The following SYMPK variants were observed in gnomAD, a reference collection of about 807,000 sequenced individuals.
SYMPK encodes the protein symplekin.
In SYMPK, 49 loss-of-function variants were observed where a neutral mutation model predicts 136.4. That is an observed-to-expected ratio of 0.36 (90% confidence interval 0.29 to 0.46). SYMPK has a LOEUF of 0.46. Among genes scored for constraint, SYMPK ranks in the 20% least tolerant of loss-of-function variants. SYMPK has a pLI of 1.00. For synonymous variants in SYMPK, 766 were observed against 713.0 expected (o/e 1.07, Z -1.19); for missense variants, 1,365 against 1,690.0 (o/e 0.81, Z 3.37).
chr19:45,832,948 G>A (rs1396963655), intron 11 of SYMPK, among the ~76,000 whole-genome samples: 1 of 151,720 alleles, frequency 6.6e-6, no homozygotes. Context: ...GAACCCAGGA[G>A]GCAGAAGTTG....
intron 7 of SYMPK, 31 bp downstream of exon 7, chr19:45,847,721 G>C: frequency 6.3e-7 from 1 of 1,595,234 alleles, no homozygotes; most frequent in South Asian, 1.1e-5. Flanking sequence ...GTGCAGGGCT[G>C]TCAGGGGTGG....
At chr19:45,828,712 A>T in intron 14 of SYMPK, 1 of 540,476 alleles carries the variant, frequency 1.9e-6, no homozygotes, top group Non-Finnish European at 3.3e-6. Flanking sequence ...AGAGGGAGTG[A>T]CAAAGCCACG....
intron 8 of SYMPK, 26 bp from the exon 9 acceptor site, chr19:45,842,515 G>A: frequency 1.3e-6 from 2 of 1,597,614 alleles, no homozygotes; most frequent in East Asian, 2.2e-5. Flanking sequence ...CAGGAGCTGT[G>A]TCTTGTGGAA....
rs559481450 is a variant in SYMPK at position 45,823,852 on chromosome 19, G to T, written c.2514C>A (p.Ser838=). ...EQPIRGMGMN[S]PELLLLVENC... The stretch of plus-strand genomic sequence containing the variant: ...TTTCCACCAGCAGGAGCAGCTCCGG[G>T]GAGTTCATGCCCATTCCTCGGATCT... The change falls in exon 19 of 27, where the codon TCC becomes TCA. Residue 838 remains serine (S), a synonymous_variant. Coordinates refer to ENST00000245934, the MANE Select transcript of SYMPK (RefSeq NM_004819.3). The T allele has an allele frequency of 6.2e-7, 1 of 1,614,090 alleles. No homozygotes were observed. The highest frequency in any genetic ancestry group is 1.3e-5 in the African/African-American group (1 of 75,040).
intron 24 of SYMPK, 35 bp downstream of exon 24, chr19:45,816,763 G>T (rs946490342): frequency 3.4e-5 from 51 of 1,497,406 alleles, no homozygotes; most frequent in East Asian, 1.5e-4. Context: ...CACCCTGGGT[G>T]GGGGGAAAGG....
chr19:45,826,165 C>T (rs1340088263), intron 17 of SYMPK, 61 bp downstream of exon 17: 18 of 1,546,416 alleles, frequency 1.2e-5, no homozygotes, highest in African/African-American at 1.1e-4. Context: ...CCCCTCTGCT[C>T]GCAGGGCCCA....
At chr19:45,824,865 G>T (rs766774382) in intron 18 of SYMPK, among the ~76,000 whole-genome samples, 1 of 152,194 alleles carries the variant, frequency 6.6e-6, no homozygotes. Flanking sequence ...TGGACTCCTT[G>T]CATCAGCGTG....
chr19:45,838,549 G>A lies in SYMPK; in HGVS notation c.1154C>T (p.Ala385Val), dbSNP rs1405092718. The A allele has an allele frequency of 6.2e-7, 1 of 1,614,064 alleles. No individual in the cohort carries two copies. Among genetic ancestry groups the A allele is most frequent in the Non-Finnish European group, 8.5e-7 (1 of 1,180,050 alleles). Residue 385 changes from alanine to valine, a missense_variant, in exon 10 of 27, where the codon GCC becomes GTC. Physicochemically the swap from Ala to Val is moderately conservative, Grantham distance 64. Around this residue, in one of 11 missense-constraint regions of SYMPK, gnomAD observed 111 missense variants for 141.2 expected, o/e 0.79. Coordinates refer to ENST00000245934, the MANE Select transcript of SYMPK (RefSeq NM_004819.3). ...TGACTGGCCGGAGATCTGCGCTGAGGCCTTCGAGGTCCCCGACGGGCCTGG... is the reference window on the plus strand; with the variant it reads ...TGACTGGCCGGAGATCTGCGCTGAGACCTTCGAGGTCCCCGACGGGCCTGG... The part of the protein sequence containing the change: ...LEPGPSGTSK[A>V]SAQISGQSDT...
intron 14 of SYMPK, chr19:45,828,662 T>C (rs940374178): frequency 7.3e-6 from 3 of 413,588 alleles, no homozygotes; most frequent in Non-Finnish European, 1.3e-5. Flanking sequence ...TCCAGGCCCA[T>C]GGGTGAGCAC....
chr19:45,852,332 G>T lies in SYMPK; in HGVS notation c.279C>A (p.Ile93=), dbSNP rs529670968. 7 of 1,614,216 alleles carry T rather than the reference G, an allele frequency of 4.3e-6. No individual in the cohort carries two copies. The highest frequency in any genetic ancestry group is 5.1e-6 in the Non-Finnish European group (6 of 1,180,026). ...DKSIEVRKFV[I]GFIEEACKRD... ...CATACCATGCCTCCTCGATGAAGCC[G>T]ATGACAAATTTTCGCACTTCGATTG... The change falls in exon 5 of 27, where the codon ATC becomes ATA. Residue 93 remains isoleucine (I), a synonymous_variant. Transcript: ENST00000245934.
chr19:45,833,146 T>C (rs1971224568), intron 11 of SYMPK, among the ~76,000 whole-genome samples: 1 of 151,804 alleles, frequency 6.6e-6, no homozygotes, highest in Non-Finnish European at 1.5e-5. Flanking sequence ...GAGGTTGCAG[T>C]AAGCCAAGAA....
intron 8 of SYMPK, chr19:45,842,994 G>A (rs1971478394): frequency 1.3e-5 from 2 of 158,368 alleles, no homozygotes; most frequent in African/African-American, 2.4e-5. Context: ...CCCACTCTCC[G>A]TTAAGGGAGA....
At chr19:45,828,746 C>T (rs967591409) in intron 14 of SYMPK, 9 of 581,098 alleles carry the variant, frequency 1.5e-5, no homozygotes, top group Admixed American at 3.0e-5. Flanking sequence ...GAGCAAGTGG[C>T]AGAGCTGAGG....
Position 45,815,523 on chromosome 19 carries a change from G to T in SYMPK, c.*37C>A. ...AAGCCCCGCCCCGTCCCCCAGCCCC[G>T]AGTCCCTGTCCCACCCCCTTTCCCC... On this transcript the variant is annotated 3_prime_UTR_variant, in exon 27 of 27. Transcript: ENST00000245934. 2 of 471,244 alleles carry T rather than the reference G, an allele frequency of 4.2e-6. No homozygotes were observed. The highest frequency in any genetic ancestry group is 6.3e-6 in the Non-Finnish European group (2 of 315,422). The allele number at this position is 471,244 out of a possible 1,614,324, so 29.2% of individuals were successfully genotyped here.
chr19:45,845,153 C>T (rs1971530816), intron 7 of SYMPK, among the ~76,000 whole-genome samples: 1 of 151,660 alleles, frequency 6.6e-6, no homozygotes, highest in Non-Finnish European at 1.5e-5. Context: ...CACTCTGTCA[C>T]CCAGAGTGGA....
chr19:45,820,806 T>C, intron 22 of SYMPK: 1 of 315,952 alleles, frequency 3.2e-6, no homozygotes, highest in Non-Finnish European at 5.8e-6. Context: ...GAGCCTCCAT[T>C]TCCTGTCTAC....
chr19:45,816,424 G>T, intron 25 of SYMPK, 58 bp downstream of exon 25: 1 of 1,561,486 alleles, frequency 6.4e-7, no homozygotes, highest in South Asian at 1.2e-5. Flanking sequence ...AGCCTTGCTG[G>T]CTTGGGGTAG....
At chr19:45,856,048 A>G (rs1971814514) in intron 1 of SYMPK, among the ~76,000 whole-genome samples, 1 of 152,016 alleles carries the variant, frequency 6.6e-6, no homozygotes, top group South Asian at 2.1e-4. Flanking sequence ...CCAGCAGAGG[A>G]AACAGGGTAA....
chr19:45,826,793 TGGCCATGGCCAG>T (rs1971052453), intron 16 of SYMPK, among the ~76,000 whole-genome samples: 1 of 151,886 alleles, frequency 6.6e-6, no homozygotes, highest in Non-Finnish European at 1.5e-5. Context: ...CAGCAGCACA[TGGCCATGGCCAG>T]GGCCAGGGCC....
Sources: allele counts gnomAD v4.1 joint callset (sites outside exome capture counted in the v4.1 genomes callset), GRCh38; gene constraint gnomAD v4.1.1; regional missense constraint gnomAD v4.1.1; transcripts MANE v1.5; gene names NCBI Gene and HGNC (gene_info 2026-07-23, HGNC 2026-07-21).